BICRA: variants seen among roughly 807,000 people sequenced by gnomAD.
BICRA encodes BRD4 interacting chromatin remodeling complex associated protein.
BICRA carries 31 observed loss-of-function variants against 96.9 expected under a neutral mutation model. That is an observed-to-expected ratio of 0.32 (90% confidence interval 0.24 to 0.43). The LOEUF (loss-of-function observed/expected upper bound fraction) is 0.43. BICRA is among the 20% of genes least tolerant of loss of function. The pLI, the probability that BICRA is intolerant of heterozygous loss-of-function variation, is 1.00. For synonymous variants in BICRA, 1,350 were observed against 1,071.8 expected (o/e 1.26, Z -5.07); for missense variants, 2,283 against 2,190.3 (o/e 1.04, Z -0.84).
intron 4 of BICRA, among the ~76,000 whole-genome samples, chr19:47,674,333 G>A (rs988130614): frequency 2.8e-5 from 3 of 105,378 alleles, no homozygotes; most frequent in Non-Finnish European, 5.8e-5. Flanking sequence ...CTGGAAGCCC[G>A]ATAGAGGAGT....
At chr19:47,689,705 C>T (rs1973212559) in intron 7 of BICRA, among the ~76,000 whole-genome samples, 2 of 152,220 alleles carry the variant, frequency 1.3e-5, no homozygotes, top group South Asian at 2.1e-4. Context: ...TGAGCCACCA[C>T]GCCTGGCCAC....
At chr19:47,616,867 C>T (rs536913461) in intron 1 of BICRA, among the ~76,000 whole-genome samples, 4 of 151,646 alleles carry the variant, frequency 2.6e-5, no homozygotes, top group South Asian at 2.1e-4. Context: ...TCTCTCTCTG[C>T]GCCCAGGCTG....
chr19:47,702,446 C>A lies in BICRA; in HGVS notation c.*31C>A. 6.9e-7 allele frequency: 1 copy of A among 1,450,944 alleles called. No homozygotes were observed. Among genetic ancestry groups the A allele is most frequent in the Non-Finnish European group, 9.0e-7 (1 of 1,115,834 alleles). 89.9% of individuals were successfully genotyped at this position (1,450,944 alleles called of 1,614,324 possible). On this transcript the variant is annotated 3_prime_UTR_variant, in exon 15 of 15. Coordinates refer to ENST00000594866, the MANE Select transcript of BICRA (RefSeq NM_001394372.1). ...GGCCGCCTCCCCTTCCCCGTCCCCT[C>A]CTCCCGAAGACGCCGGGACAGTCGG...
At chr19:47,678,068 G>A (rs1440873011) in intron 5 of BICRA, among the ~76,000 whole-genome samples, 1 of 152,188 alleles carries the variant, frequency 6.6e-6, no homozygotes, top group Non-Finnish European at 1.5e-5. Context: ...GATAAGTGTT[G>A]TGGGCCTATA....
chr19:47,701,773 A>G lies in BICRA; in HGVS notation c.4041A>G (p.Pro1347=), dbSNP rs769275530. Residue 1347 remains proline, a synonymous_variant, in exon 15 of 15, where the codon CCA becomes CCG. Coordinates refer to ENST00000594866, the MANE Select transcript of BICRA (RefSeq NM_001394372.1). This position sits in a 1 kb window ranked among gnomAD's most constrained non-coding sequence, Gnocchi z 5.4. ...PATLKVAEPP[P]RPPPPPPPTG... is the part of the protein sequence containing the mutation. ...CCCTCAAGGTGGCCGAGCCCCCGCCACGGCCGCCACCACCACCGCCGCCCA... is the reference window on the plus strand; with the variant it reads ...CCCTCAAGGTGGCCGAGCCCCCGCCGCGGCCGCCACCACCACCGCCGCCCA... 3.0e-5 allele frequency: 45 copies of G among 1,504,816 alleles called. No individual in the cohort carries two copies. Among genetic ancestry groups the G allele is most frequent in the Admixed American group, 1.4e-4 (7 of 49,914 alleles). The allele number at this position is 1,504,816 out of a possible 1,614,324, so 93.2% of individuals were successfully genotyped here.
chr19:47,694,821 C>G, intron 8 of BICRA, 79 bp from the exon 9 acceptor site: 2 of 1,201,518 alleles, frequency 1.7e-6, no homozygotes, highest in Non-Finnish European at 2.3e-6. Flanking sequence ...CTCTGTGATC[C>G]TCCCCAGCCC....
At chr19:47,681,351 G>T (rs1429173304) in intron 6 of BICRA, 75 bp downstream of exon 6, 1 of 1,334,004 alleles carries the variant, frequency 7.5e-7, no homozygotes, top group Non-Finnish European at 1.0e-6. Flanking sequence ...GGGGCGAGGC[G>T]CCAAGATCCA....
chr19:47,694,321 T>G lies in BICRA; in HGVS notation c.2490T>G (p.Thr830=). The G allele has an allele frequency of 2.2e-6, 1 of 453,476 alleles. No homozygotes were observed. Among genetic ancestry groups the G allele is most frequent in the Non-Finnish European group, 3.3e-6 (1 of 304,640 alleles). The allele number at this position is 453,476 out of a possible 1,614,324, so 28.1% of individuals were successfully genotyped here. Reference sequence around the variant, plus strand: ...GCCCCCCACCCCAGGCCCCCCCAACTCTGCCTGGCATCTTTGTCATCCAAA... The same window carrying G: ...GCCCCCCACCCCAGGCCCCCCCAACGCTGCCTGGCATCTTTGTCATCCAAA... The part of the protein sequence containing the change: ...HPCPPPQAPP[T]LPGIFVIQNQ... The change falls in exon 8 of 15, where the codon ACT becomes ACG. Residue 830 remains threonine, a synonymous_variant. Coordinates refer to ENST00000594866, the MANE Select transcript of BICRA (RefSeq NM_001394372.1).
intron 1 of BICRA, among the ~76,000 whole-genome samples, chr19:47,611,061 G>A (rs552260899): frequency 2.8e-4 from 42 of 152,270 alleles, no homozygotes; most frequent in African/African-American, 1.0e-3. Context: ...TTCCAGACAG[G>A]TTCATGGAGG....
intron 1 of BICRA, among the ~76,000 whole-genome samples, chr19:47,620,167 C>G (rs1972044214): frequency 1.3e-5 from 2 of 152,094 alleles, no homozygotes; most frequent in African/African-American, 4.8e-5. Context: ...GTGAGTATTT[C>G]TTCAAGCCTG....
At position 47,673,686 on chromosome 19, in the gene BICRA, T is replaced by C. The variant is rs371608441; in HGVS notation, c.42-34T>C. The C allele has an allele frequency of 7.5e-6, 12 of 1,592,342 alleles. No individual in the cohort carries two copies. In the African/African-American group the frequency reaches 1.5e-4, roughly 20 times the overall value. On this transcript the variant is annotated intron_variant, in intron 3 of 14. Transcript: ENST00000594866. The stretch of plus-strand genomic sequence containing the variant: ...CCCTTCCCTCCCCTCCCCAGCTCCT[T>C]ACCTCCTCAGCGTCTCTTCCTCTTC...
At position 47,677,966 on chromosome 19, in the gene BICRA, A is replaced by G. The variant is rs368346589; in HGVS notation, c.151-1355A>G. Among the ~76,000 whole-genome samples the G allele has an allele frequency of 7.2e-5, 11 of 152,316 alleles. No homozygotes were observed. The East Asian group carries it at 9.7e-4, about 13-fold the overall frequency. On this transcript the variant is annotated intron_variant, in intron 5 of 14. Coordinates refer to ENST00000594866, the MANE Select transcript of BICRA (RefSeq NM_001394372.1). ...TCATGTGGATAAATGGATCCCACCT[A>G]AAGTGCCATGTTGGTTCTGGTCAGG...
At chr19:47,651,821 T>G (rs949201115) in intron 1 of BICRA, among the ~76,000 whole-genome samples, 1 of 151,510 alleles carries the variant, frequency 6.6e-6, no homozygotes, top group Non-Finnish European at 1.5e-5. Context: ...TGGGCTGGAG[T>G]TATTTAAGAG....
Position 47,654,901 on chromosome 19 carries a change from G to T in BICRA, c.-107-15542G>T, listed in dbSNP as rs114292622. Among the ~76,000 whole-genome samples, 263 of 152,290 alleles carry T rather than the reference G, an allele frequency of 1.7e-3. 1 individual carries two copies. The highest frequency in any genetic ancestry group is 6.0e-3 in the African/African-American group (248 of 41,570). On this transcript the variant is annotated intron_variant, in intron 1 of 14. Transcript: ENST00000594866. Reference sequence around the variant, plus strand: ...TATGTTCCCATAAGTGAAGTAGCCAGGCAGAGGGTGAATGCGTCTTGATCT... The same window carrying T: ...TATGTTCCCATAAGTGAAGTAGCCATGCAGAGGGTGAATGCGTCTTGATCT...
chr19:47,642,744 C>T (rs1471977356), intron 1 of BICRA, among the ~76,000 whole-genome samples: 1 of 152,066 alleles, frequency 6.6e-6, no homozygotes, highest in Non-Finnish European at 1.5e-5. Context: ...AAGAAAGTGC[C>T]AAATATTTTT....
rs534325755 is a variant in BICRA at position 47,626,774 on chromosome 19, T to C, written c.-108+17606T>C. On this transcript the variant is annotated intron_variant, in intron 1 of 14. Transcript: ENST00000594866. ...TCTCGCTCGGTCACCTAGGCTGGAG[T>C]GCAATGGCGTGATCTCAGCTCACTG... Among the ~76,000 whole-genome samples, 12 of 139,450 alleles carry C rather than the reference T, an allele frequency of 8.6e-5. No homozygotes were observed. In the East Asian group the frequency reaches 2.6e-3, roughly 30 times the overall value. 91.5% of individuals were successfully genotyped at this position (139,450 alleles called of 152,430 possible).
At chr19:47,666,239 T>C (rs1972777126) in intron 1 of BICRA, among the ~76,000 whole-genome samples, 1 of 152,040 alleles carries the variant, frequency 6.6e-6, no homozygotes, top group Non-Finnish European at 1.5e-5. Context: ...GCTGTGAGCA[T>C]GCACAGGCAG....
At chr19:47,659,658 A>G (rs1238081770) in intron 1 of BICRA, among the ~76,000 whole-genome samples, 1 of 146,506 alleles carries the variant, frequency 6.8e-6, no homozygotes, top group African/African-American at 2.5e-5. Flanking sequence ...GCAGTGAACA[A>G]CCTGTGCAGC....
chr19:47,656,284 G>C (rs963044224), intron 1 of BICRA, among the ~76,000 whole-genome samples: 1 of 152,092 alleles, frequency 6.6e-6, no homozygotes. Flanking sequence ...GCTGTGACGT[G>C]CCTTTCAGAG....
Sources: allele counts gnomAD v4.1 joint callset (sites outside exome capture counted in the v4.1 genomes callset), GRCh38; gene constraint gnomAD v4.1.1; non-coding constraint Gnocchi (gnomAD v3.1); transcripts MANE v1.5; gene names NCBI Gene and HGNC (gene_info 2026-07-23, HGNC 2026-07-21).